The following VBP1 variants were observed in gnomAD, a reference collection of about 807,000 sequenced individuals.
VBP1 encodes VHL binding protein 1.
In VBP1, 4 loss-of-function variants were observed where a neutral mutation model predicts 15.5. That is an observed-to-expected ratio of 0.26 (90% CI 0.13 to 0.59). VBP1 has a LOEUF of 0.59. Among genes scored for constraint, VBP1 ranks in the 20% least tolerant of loss-of-function variants. VBP1 has a pLI of 0.90. For missense variants in VBP1, 108 were observed against 139.6 expected (o/e 0.77, Z 1.14); for synonymous variants, 61 against 52.1 (o/e 1.17, Z -0.74).
intron 2 of VBP1, 34 bp from the exon 3 acceptor site, chrX:155,227,201 C>T (rs782759105): frequency 8.6e-7 from 1 of 1,164,478 alleles, no homozygotes; most frequent in African/African-American, 1.8e-5. Context: ...TTTTTGCCTG[C>T]AAAATACTAA....
chrX:155,236,104 A>G (rs868907315), intron 4 of VBP1, 125 bp from the exon 5 acceptor site: 4 of 776,074 alleles, frequency 5.2e-6, no homozygotes, highest in Middle Eastern at 5.1e-4. Flanking sequence ...CTCCAGTGAA[A>G]CTTAACTTAC....
intron 2 of VBP1, among the ~76,000 whole-genome samples, chrX:155,224,021 C>T (rs1557309956): frequency 9.4e-6 from 1 of 106,604 alleles, no homozygotes; most frequent in Non-Finnish European, 1.9e-5. Flanking sequence ...TGGGCAGAGG[C>T]GCTCCCCACA....
intron 1 of VBP1, among the ~76,000 whole-genome samples, 158 bp from the exon 2 acceptor site, chrX:155,220,025 A>G (rs1218796647): frequency 3.6e-5 from 4 of 111,328 alleles, no homozygotes; most frequent in Non-Finnish European, 7.5e-5. Context: ...GGTCCCAAGC[A>G]TTTTAGATAA....
upstream of VBP1, chrX:155,216,246 C>T: frequency 3.3e-6 from 2 of 610,481 alleles, no homozygotes; most frequent in Non-Finnish European, 4.8e-6. Context: ...TTTCCTGTCG[C>T]TCCAGCTTCT....
intron 1 of VBP1, among the ~76,000 whole-genome samples, chrX:155,199,679 GC>G (rs2074594077): frequency 8.9e-6 from 1 of 111,842 alleles, no homozygotes; most frequent in South Asian, 3.7e-4. Flanking sequence ...GACCATTGAG[GC>G]TAGGAAGTAA....
At chrX:155,211,556 T>C (rs1227680851), upstream of VBP1, among the ~76,000 whole-genome samples, 1 of 112,208 alleles carries the variant, frequency 8.9e-6, no homozygotes, top group Non-Finnish European at 1.9e-5. Context: ...TCAGACATTT[T>C]AGAGTCAAGT....
At chrX:155,206,054 G>A (rs1287910296) in intron 1 of VBP1, among the ~76,000 whole-genome samples, 2 of 111,841 alleles carry the variant, frequency 1.8e-5, no homozygotes, top group African/African-American at 6.5e-5. Context: ...ATAATTAAAA[G>A]AAACAAAAAC....
chrX:155,238,689 A>G lies in VBP1; in HGVS notation c.524-83A>G, dbSNP rs1325970940. 4.1e-6 allele frequency: 3 copies of G among 734,181 alleles called. No individual in the cohort carries two copies. In the African/African-American group the frequency reaches 6.5e-5, roughly 16 times the overall value. 60.5% of individuals were successfully genotyped at this position (734,181 alleles called of 1,213,427 possible). A position where few individuals can be genotyped will look rare whatever the true frequency, so the allele number is the denominator to read the frequency against. On this transcript the variant is annotated intron_variant, in intron 5 of 5. Coordinates refer to ENST00000286428, the MANE Select transcript of VBP1 (RefSeq NM_003372.7). ...TGTTTCATTTCTGTGTCTTTGATTCATTGTGTGAGTGGAGTGAATACTTAG... is the reference window on the plus strand; with the variant it reads ...TGTTTCATTTCTGTGTCTTTGATTCGTTGTGTGAGTGGAGTGAATACTTAG...
At chrX:155,219,950 C>G (rs957574534) in intron 1 of VBP1, among the ~76,000 whole-genome samples, 1 of 106,023 alleles carries the variant, frequency 9.4e-6, no homozygotes, top group Non-Finnish European at 1.9e-5. Context: ...GGATGCTCAA[C>G]TGGTATAATG....
At chrX:155,215,209 C>T (rs782352491), upstream of VBP1, among the ~76,000 whole-genome samples, 15 of 111,730 alleles carry the variant, frequency 1.3e-4, no homozygotes, top group South Asian at 4.1e-3. Context: ...TCTGTAGAAA[C>T]GTTACCTACT....
At chrX:155,234,103 T>G (rs2074759281) in intron 4 of VBP1, among the ~76,000 whole-genome samples, 1 of 97,398 alleles carries the variant, frequency 1.0e-5, no homozygotes, top group Non-Finnish European at 2.0e-5. Context: ...CTTTAGTTGT[T>G]CCTCTGTTTT....
intron 5 of VBP1, among the ~76,000 whole-genome samples, 164 bp from the exon 6 acceptor site, chrX:155,238,608 C>T (rs2074784952): frequency 8.9e-6 from 1 of 112,361 alleles, no homozygotes; most frequent in Non-Finnish European, 1.9e-5. Flanking sequence ...ATTTTCCTAA[C>T]AATTGACATT....
intron 1 of VBP1, chrX:155,197,175 G>A (rs782416729): frequency 2.7e-5 from 3 of 111,798 alleles, no homozygotes; most frequent in Non-Finnish European, 5.7e-5. Flanking sequence ...TATTTAATTT[G>A]TCTATTGTTA....
At chrX:155,218,419 G>T (rs2074674724) in intron 1 of VBP1, among the ~76,000 whole-genome samples, 1 of 111,979 alleles carries the variant, frequency 8.9e-6, no homozygotes. Flanking sequence ...CAGAGAACAT[G>T]CTTGCAGTAT....
upstream of VBP1, among the ~76,000 whole-genome samples, chrX:155,211,709 C>G (rs1602873731): frequency 8.9e-6 from 1 of 112,391 alleles, no homozygotes; most frequent in Non-Finnish European, 1.9e-5. Context: ...AATGCTCTCT[C>G]TTATCTGTAT....
At chrX:155,227,080 CTTATT>C (rs1334133142) in intron 2 of VBP1, 150 bp from the exon 3 acceptor site, 11 of 193,684 alleles carry the variant, frequency 5.7e-5, no homozygotes, top group African/African-American at 2.8e-4. Context: ...ATATTTATAT[CTTATT>C]TTATCTCATA....
At chrX:155,209,005 A>T in intron 2 of VBP1, 1 of 1,141,242 alleles carries the variant, frequency 8.8e-7, no homozygotes. Flanking sequence ...GTTGTTGCTA[A>T]GGGCCTTGGC....
chrX:155,201,215 A>C (rs1436191353), intron 1 of VBP1, among the ~76,000 whole-genome samples: 1 of 110,644 alleles, frequency 9.0e-6, no homozygotes, highest in Non-Finnish European at 1.9e-5. Flanking sequence ...TTCTGAAACT[A>C]TTCCAATCAA....
At chrX:155,200,937 G>A (rs4893075) in intron 1 of VBP1, among the ~76,000 whole-genome samples, 58,463 of 108,218 alleles carry the variant, frequency 0.54, 14,047 homozygotes, top group Middle Eastern at 0.77. Context: ...TATCACCACC[G>A]ATCCCACAGA....
Sources: gnomAD v4.1 joint callset for allele counts (sites outside exome capture counted in the v4.1 genomes callset) on GRCh38, gnomAD v4.1.1 for gene constraint, MANE v1.5 for transcripts, NCBI Gene and HGNC (gene_info 2026-07-23, HGNC 2026-07-21) for gene names.